ATRNL1: variants seen among roughly 807,000 people sequenced by gnomAD.
ATRNL1 encodes attractin like 1, also known as attractin-like protein 1.
Under a neutral mutation model 182.7 loss-of-function variants are expected in ATRNL1, and 95 were observed. The observed-to-expected ratio is 0.52, with a 90% confidence interval of 0.44 to 0.62. The LOEUF is 0.62. Ranked by LOEUF, ATRNL1 falls within the 20% of genes least tolerant of loss-of-function variation. The probability of loss-of-function intolerance (pLI) is 0.00; values close to 1 mark genes in which losing one functional copy is unlikely to be tolerated. For synonymous variants in ATRNL1, 576 were observed against 568.3 expected (o/e 1.01, Z -0.19); for missense variants, 1,471 against 1,679.5 (o/e 0.88, Z 2.17).
chr10:115,264,442 T>C (rs1267003449), intron 10 of ATRNL1, among the ~76,000 whole-genome samples: 2 of 151,652 alleles, frequency 1.3e-5, no homozygotes, highest in African/African-American at 4.8e-5. Flanking sequence ...AGCATGCCTT[T>C]ATAAATATGA....
chr10:115,899,666 T>C (rs1952302498), intron 28 of ATRNL1, among the ~76,000 whole-genome samples: 2 of 152,154 alleles, frequency 1.3e-5, no homozygotes, highest in African/African-American at 2.4e-5. Flanking sequence ...TATAGCTATA[T>C]GTATTTTTAA....
At chr10:115,430,994 A>G (rs1294696267) in intron 21 of ATRNL1, among the ~76,000 whole-genome samples, 1 of 152,152 alleles carries the variant, frequency 6.6e-6, no homozygotes, top group Non-Finnish European at 1.5e-5. Flanking sequence ...GAAAATAATA[A>G]TTGTAGATGG....
intron 26 of ATRNL1, among the ~76,000 whole-genome samples, chr10:115,634,889 G>A (rs1190835032): frequency 4.6e-5 from 7 of 151,926 alleles, no homozygotes; most frequent in Non-Finnish European, 7.4e-5. Flanking sequence ...CAAAAGCTGT[G>A]TTATAAAAAT....
At chr10:115,850,654 A>C (rs533255719) in intron 28 of ATRNL1, among the ~76,000 whole-genome samples, 1 of 152,336 alleles carries the variant, frequency 6.6e-6, no homozygotes, top group African/African-American at 2.4e-5. Flanking sequence ...CATAGAAATC[A>C]GTTAATAAAT....
chr10:115,677,023 T>C (rs1945884888), intron 26 of ATRNL1, among the ~76,000 whole-genome samples: 1 of 152,146 alleles, frequency 6.6e-6, no homozygotes. Context: ...TGTACTTGTT[T>C]TTATTTCTGG....
At chr10:115,445,309 G>A (rs1047231254) in intron 21 of ATRNL1, among the ~76,000 whole-genome samples, 11 of 151,034 alleles carry the variant, frequency 7.3e-5, no homozygotes, top group East Asian at 6.1e-4. Context: ...GCACACGCCT[G>A]TAATCCCAGT....
intron 18 of ATRNL1, among the ~76,000 whole-genome samples, chr10:115,320,181 G>A (rs566255518): frequency 6.6e-6 from 1 of 151,978 alleles, no homozygotes; most frequent in South Asian, 2.1e-4. Flanking sequence ...TGAAATTCTG[G>A]GTTGAAAATT....
At chr10:115,312,624 T>G (rs1269468248) in intron 17 of ATRNL1, among the ~76,000 whole-genome samples, 1 of 152,164 alleles carries the variant, frequency 6.6e-6, no homozygotes, top group Non-Finnish European at 1.5e-5. Flanking sequence ...AGGAGCTCTT[T>G]GAGCTTCTTG....
intron 1 of ATRNL1, among the ~76,000 whole-genome samples, chr10:115,105,911 T>G (rs541462815): frequency 6.6e-6 from 1 of 152,264 alleles, no homozygotes; most frequent in Middle Eastern, 3.4e-3. Flanking sequence ...AAGGGAAAAG[T>G]GGGGTTGGAG....
At chr10:115,897,438 C>T (rs1555112766) in intron 28 of ATRNL1, among the ~76,000 whole-genome samples, 1 of 152,122 alleles carries the variant, frequency 6.6e-6, no homozygotes, top group Non-Finnish European at 1.5e-5. Context: ...TTGATTTCAG[C>T]TTTTTCGATC....
intron 25 of ATRNL1, among the ~76,000 whole-genome samples, chr10:115,525,577 G>T (rs1554986360): frequency 1.2e-4 from 19 of 152,116 alleles, no homozygotes. Flanking sequence ...AACACAACCT[G>T]GTAGTTCTTC....
intron 21 of ATRNL1, among the ~76,000 whole-genome samples, chr10:115,429,867 A>C (rs1054557467): frequency 2.6e-5 from 4 of 152,108 alleles, no homozygotes; most frequent in Middle Eastern, 3.2e-3. Context: ...GGAGATCGAG[A>C]CCATCCTGGC....
chr10:115,268,254 T>C (rs782533232), intron 12 of ATRNL1, 72 bp from the exon 13 acceptor site: 3 of 857,622 alleles, frequency 3.5e-6, no homozygotes, highest in Non-Finnish European at 3.9e-6. Flanking sequence ...GATTCTTAAA[T>C]AGATATTGTA....
intron 18 of ATRNL1, 107 bp downstream of exon 18, chr10:115,315,843 GA>G: frequency 1.2e-6 from 1 of 858,308 alleles, no homozygotes; most frequent in South Asian, 1.8e-5. Context: ...AAAGCAGAAT[GA>G]AAATGAGACT....
intron 27 of ATRNL1, among the ~76,000 whole-genome samples, chr10:115,808,363 C>A (rs146097339): frequency 0.012 from 1,769 of 152,108 alleles, 19 homozygotes; most frequent in Middle Eastern, 0.034. Context: ...AAGTAGATTT[C>A]TTTTTATTAT....
intron 27 of ATRNL1, among the ~76,000 whole-genome samples, chr10:115,774,729 A>G (rs1288712318): frequency 1.3e-5 from 2 of 152,190 alleles, no homozygotes; most frequent in African/African-American, 4.8e-5. Context: ...ACACAGCACT[A>G]TAATTAGTAT....
intron 10 of ATRNL1, among the ~76,000 whole-genome samples, chr10:115,262,636 T>C (rs1554909099): frequency 6.6e-6 from 1 of 152,010 alleles, no homozygotes; most frequent in African/African-American, 2.4e-5. Flanking sequence ...GTAATACATA[T>C]AGCCAGCAAA....
At chr10:115,121,118 AT>A (rs35660681) in intron 2 of ATRNL1, among the ~76,000 whole-genome samples, 2,252 of 147,254 alleles carry the variant, frequency 0.015, 56 homozygotes, top group Admixed American at 0.059. Context: ...CAAGAGAAAG[AT>A]TTTTTTTTTT....
At chr10:115,371,514 G>A (rs1349658151) in intron 19 of ATRNL1, among the ~76,000 whole-genome samples, 3 of 152,204 alleles carry the variant, frequency 2.0e-5, no homozygotes, top group Non-Finnish European at 4.4e-5. Flanking sequence ...TCATTTTGGA[G>A]CTTTAAAATT....
Sources: allele counts gnomAD v4.1 joint callset (sites outside exome capture counted in the v4.1 genomes callset), GRCh38; gene constraint gnomAD v4.1.1; transcripts MANE v1.5; gene names NCBI Gene and HGNC (gene_info 2026-07-23, HGNC 2026-07-21).